Variants in RFPL1 observed in about 807,000 individuals in gnomAD.
RFPL1 encodes ret finger protein like 1.
RFPL1 carries 6 observed loss-of-function variants against 9.6 expected under a neutral mutation model. That is an observed-to-expected ratio of 0.62 (90% CI 0.34 to 1.23). RFPL1 has a LOEUF of 1.23. RFPL1 is among the 50% of genes most tolerant of loss of function. The pLI, the probability that RFPL1 is intolerant of heterozygous loss-of-function variation, is 0.03. For missense variants in RFPL1, 352 were observed against 398.4 expected (o/e 0.88, Z 0.99); for synonymous variants, 145 against 149.4 (o/e 0.97, Z 0.22).
chr22:29,401,223 A>G, the RFPL1 span, among the ~76,000 whole-genome samples: 6 of 152,222 alleles, frequency 3.9e-5, no homozygotes, highest in African/African-American at 1.4e-4. Context: ...ATTCGCTACA[A>G]CCATAAATTC....
the RFPL1 span, chr22:29,433,400 T>C: frequency 3.3e-5 from 5 of 152,160 alleles, no homozygotes; most frequent in Admixed American, 2.0e-4. Flanking sequence ...AGGAGCCCAA[T>C]GGGGATGATG....
At chr22:29,412,712 T>A in the RFPL1 span, among the ~76,000 whole-genome samples, 1 of 152,106 alleles carries the variant, frequency 6.6e-6, no homozygotes, top group Admixed American at 6.5e-5. Context: ...AGAGATGAGT[T>A]CTAGATCACC....
At chr22:29,423,671 C>T in the RFPL1 span, among the ~76,000 whole-genome samples, 1,119 of 152,370 alleles carry the variant, frequency 7.3e-3, 12 homozygotes, top group African/African-American at 0.026. Context: ...AGCCTCATCA[C>T]AGCATCATCA....
the RFPL1 span, among the ~76,000 whole-genome samples, chr22:29,400,734 C>T: frequency 6.6e-6 from 1 of 152,120 alleles, no homozygotes; most frequent in Admixed American, 6.5e-5. Flanking sequence ...ACTTTCTCAC[C>T]TCTAGTTCAC....
chr22:29,403,512 C>G, the RFPL1 span, among the ~76,000 whole-genome samples: 1 of 152,052 alleles, frequency 6.6e-6, no homozygotes, highest in Non-Finnish European at 1.5e-5. Context: ...AGGGTGGAAG[C>G]AGGGAGACCA....
the RFPL1 span, among the ~76,000 whole-genome samples, chr22:29,391,657 G>A: frequency 6.6e-6 from 1 of 152,138 alleles, no homozygotes; most frequent in African/African-American, 2.4e-5. Context: ...GGACTTCCTG[G>A]GGAAGATGGC....
the RFPL1 span, among the ~76,000 whole-genome samples, chr22:29,392,602 C>CTGGT: frequency 7.2e-5 from 11 of 152,004 alleles, no homozygotes; most frequent in East Asian, 2.1e-3. Flanking sequence ...GTTGGCCAGG[C>CTGGT]TGGTCTCAAA....
chr22:29,416,144 A>G, the RFPL1 span, among the ~76,000 whole-genome samples: 1 of 152,350 alleles, frequency 6.6e-6, no homozygotes, highest in African/African-American at 2.4e-5. Context: ...CCAGGAGCTC[A>G]TTCCCATTCC....
At chr22:29,410,415 A>AGATATATATATG in the RFPL1 span, among the ~76,000 whole-genome samples, 18 of 83,738 alleles carry the variant, frequency 2.1e-4, no homozygotes, top group African/African-American at 4.9e-4. Flanking sequence ...ATCTATATAT[A>AGATATATATATG]TAGATATATA....
At chr22:29,439,052 G>T (rs745694965) in exon 1 of RFPL1, 6 of 1,614,154 alleles carry the variant, frequency 3.7e-6, no homozygotes, top group South Asian at 1.1e-5. Flanking sequence ...TCTCTCAGAA[G>T]AACAAAATCA....
At chr22:29,438,640 C>T (rs2062820969) in exon 1 of RFPL1, 1 of 1,477,840 alleles carries the variant, frequency 6.8e-7, no homozygotes. Context: ...ACCCTTCCTC[C>T]ACCTCAGTTC....
At position 29,441,530 on chromosome 22, in the gene RFPL1, T is replaced by C. The variant is rs1184425485; in HGVS notation, c.374-12T>C. The stretch of plus-strand genomic sequence containing the variant: ...TGTCCATTTTCTGATCAACTTTTTT[T>C]CCTTTTCACAGTGGATATGACCTTG... On this transcript the variant is annotated splice_polypyrimidine_tract_variant and intron_variant, in intron 1 of 1. Coordinates refer to ENST00000354373, the Ensembl canonical transcript of RFPL1. 5.6e-6 allele frequency: 9 copies of C among 1,602,712 alleles called. No homozygotes were observed. The highest frequency in any genetic ancestry group is 1.7e-5 in the Admixed American group (1 of 59,024).
exon 2 of RFPL1, chr22:29,441,645 T>C: frequency 6.2e-7 from 1 of 1,613,924 alleles, no homozygotes; most frequent in East Asian, 2.2e-5. Context: ...GGCAAGACCT[T>C]GCCGAGAGAT....
the RFPL1 span, among the ~76,000 whole-genome samples, chr22:29,416,568 C>T: frequency 5.3e-5 from 8 of 152,124 alleles, no homozygotes; most frequent in Non-Finnish European, 8.8e-5. Flanking sequence ...GAAAATGATC[C>T]TTTCTCCCTC....
chr22:29,415,618 G>A, the RFPL1 span, among the ~76,000 whole-genome samples: 26 of 152,376 alleles, frequency 1.7e-4, no homozygotes, highest in Admixed American at 1.5e-3. Context: ...ATGAGCCACA[G>A]ACAAAACTCC....
the RFPL1 span, among the ~76,000 whole-genome samples, chr22:29,399,776 G>T: frequency 1.3e-5 from 2 of 152,020 alleles, no homozygotes; most frequent in African/African-American, 2.4e-5. Context: ...CAGACTTTTT[G>T]CAACTACATA....
chr22:29,435,945 A>G (rs1334055595), upstream of RFPL1, among the ~76,000 whole-genome samples: 3 of 152,208 alleles, frequency 2.0e-5, no homozygotes, highest in Admixed American at 6.5e-5. Context: ...TCAGGTCTGG[A>G]AAGATAAATA....
At chr22:29,413,475 C>A in the RFPL1 span, among the ~76,000 whole-genome samples, 1 of 152,108 alleles carries the variant, frequency 6.6e-6, no homozygotes. Context: ...CAGCAGTGGA[C>A]TTTATAGTCC....
the RFPL1 span, among the ~76,000 whole-genome samples, chr22:29,396,254 G>A: frequency 6.6e-6 from 1 of 152,168 alleles, no homozygotes; most frequent in Non-Finnish European, 1.5e-5. Context: ...CCTAATGGGA[G>A]GTGTTTGGGT....
Sources: gnomAD v4.1 joint callset for allele counts (sites outside exome capture counted in the v4.1 genomes callset) on GRCh38, gnomAD v4.1.1 for gene constraint, MANE v1.5 for transcripts, NCBI Gene and HGNC (gene_info 2026-07-23, HGNC 2026-07-21) for gene names.